Variants in PPP1R12A observed in about 807,000 individuals in gnomAD.
PPP1R12A encodes protein phosphatase 1 regulatory subunit 12A.
PPP1R12A carries 19 observed loss-of-function variants against 139.6 expected under a neutral mutation model. The observed-to-expected ratio is 0.14, with a 90% CI of 0.09 to 0.20. The LOEUF (loss-of-function observed/expected upper bound fraction) is 0.20. Ranked by LOEUF, PPP1R12A falls within the 10% of genes least tolerant of loss-of-function variation. The pLI is 1.00. For missense variants in PPP1R12A, 925 were observed against 1,211.5 expected (o/e 0.76, Z 3.51); for synonymous variants, 427 against 420.6 (o/e 1.02, Z -0.19).
At chr12:79,787,199 C>T (rs7980114) in intron 21 of PPP1R12A, 96,255 of 152,068 alleles carry the variant, frequency 0.63, 37,540 homozygotes, top group Non-Finnish European at 0.88. Flanking sequence ...CATTCCATTT[C>T]CACCCACAAA....
intron 1 of PPP1R12A, among the ~76,000 whole-genome samples, chr12:79,896,451 A>G (rs1207672708): frequency 6.6e-6 from 1 of 151,922 alleles, no homozygotes; most frequent in Non-Finnish European, 1.5e-5. Context: ...CTTCCACCTC[A>G]GCCTCCCAAG....
chr12:79,867,105 C>G (rs1328373417), intron 2 of PPP1R12A, among the ~76,000 whole-genome samples: 1 of 152,008 alleles, frequency 6.6e-6, no homozygotes. Flanking sequence ...GTTAAGCAAA[C>G]GTGGCACATA....
At chr12:79,880,411 G>A (rs1883525881) in intron 1 of PPP1R12A, among the ~76,000 whole-genome samples, 1 of 152,138 alleles carries the variant, frequency 6.6e-6, no homozygotes, top group Non-Finnish European at 1.5e-5. Context: ...GTCAACCAGT[G>A]GTAGACAGTA....
At chr12:79,845,274 T>G (rs913395743) in intron 3 of PPP1R12A, 28 bp downstream of exon 3, 13 of 1,506,456 alleles carry the variant, frequency 8.6e-6, no homozygotes, top group Middle Eastern at 3.4e-4. Flanking sequence ...CTAAAACATT[T>G]TTCCATTTAG....
chr12:79,914,550 A>G (rs1886841570), intron 1 of PPP1R12A, among the ~76,000 whole-genome samples: 1 of 152,088 alleles, frequency 6.6e-6, no homozygotes, highest in Non-Finnish European at 1.5e-5. Flanking sequence ...TATACAATCA[A>G]TATTGGCATC....
At chr12:79,820,660 AG>A (rs1448292019) in intron 8 of PPP1R12A, 113 bp downstream of exon 8, 2 of 975,792 alleles carry the variant, frequency 2.0e-6, no homozygotes, top group East Asian at 4.8e-5. Context: ...GTAGTGTGGC[AG>A]GTATCTAAAC....
At chr12:79,889,269 T>C (rs1470078341) in intron 1 of PPP1R12A, among the ~76,000 whole-genome samples, 1 of 152,172 alleles carries the variant, frequency 6.6e-6, no homozygotes, top group Non-Finnish European at 1.5e-5. Flanking sequence ...GAAGGCCCTA[T>C]AAGGGAGTAG....
At chr12:79,777,585 C>T (rs1180841767) in intron 24 of PPP1R12A, 1 of 985,028 alleles carries the variant, frequency 1.0e-6, no homozygotes, top group Non-Finnish European at 1.2e-6. Flanking sequence ...TGTCAAGGCC[C>T]TATTCTCAGT....
In PPP1R12A at chr12:79,897,219, C is replaced by T. The variant is rs956685496; in HGVS notation, c.238-24281G>A. Among the ~76,000 whole-genome samples the T allele has an allele frequency of 3.9e-5, 6 of 152,266 alleles. No homozygotes were observed. The East Asian group carries it at 5.8e-4, about 15-fold the overall frequency. On this transcript the variant is annotated intron_variant, in intron 1 of 24. Transcript: ENST00000450142. ...ATTCTAGAGAGCCATAAAAAAATAA[C>T]GAAATCATGTCTTCTGCAGTAACAT... is the stretch of plus-strand genomic sequence containing the variant.
At chr12:79,824,596 CA>C (rs1555208265) in intron 5 of PPP1R12A, among the ~76,000 whole-genome samples, 1 of 151,960 alleles carries the variant, frequency 6.6e-6, no homozygotes, top group Non-Finnish European at 1.5e-5. Flanking sequence ...TTTCTAATTT[CA>C]AAAAAAGCAC....
At chr12:79,912,933 T>C (rs1172735390) in intron 1 of PPP1R12A, among the ~76,000 whole-genome samples, 1 of 152,218 alleles carries the variant, frequency 6.6e-6, no homozygotes, top group Non-Finnish European at 1.5e-5. Context: ...TTAAATATAT[T>C]TGAATACATT....
chr12:79,884,893 T>C (rs530715014), intron 1 of PPP1R12A, among the ~76,000 whole-genome samples: 6 of 152,214 alleles, frequency 3.9e-5, no homozygotes, highest in Admixed American at 1.3e-4. Context: ...AAGGAAAAAA[T>C]TGAGAAGCCT....
intron 9 of PPP1R12A, among the ~76,000 whole-genome samples, chr12:79,813,473 A>C (rs531464385): frequency 2.6e-4 from 40 of 152,322 alleles, no homozygotes; most frequent in Non-Finnish European, 5.0e-4. Flanking sequence ...TTAAATTATT[A>C]GCTATTACAT....
chr12:79,817,949 G>A (rs183839540), intron 8 of PPP1R12A, among the ~76,000 whole-genome samples: 92 of 152,248 alleles, frequency 6.0e-4, no homozygotes, highest in Non-Finnish European at 9.7e-4. Context: ...ATCTAAAAGT[G>A]CTTTTGTCAA....
At chr12:79,785,857 A>C in intron 22 of PPP1R12A, among the ~76,000 whole-genome samples, 1 of 152,174 alleles carries the variant, frequency 6.6e-6, no homozygotes, top group Non-Finnish European at 1.5e-5. Flanking sequence ...TTGCTAGATC[A>C]TATGTACAAG....
chr12:79,926,231 G>A (rs767788203), intron 1 of PPP1R12A, among the ~76,000 whole-genome samples: 1 of 152,280 alleles, frequency 6.6e-6, no homozygotes, highest in Non-Finnish European at 1.5e-5. Context: ...TGTCGCCCAG[G>A]CTGGAGTGAA....
At chr12:79,915,424 T>A (rs1037984779) in intron 1 of PPP1R12A, among the ~76,000 whole-genome samples, 1 of 152,166 alleles carries the variant, frequency 6.6e-6, no homozygotes, top group Non-Finnish European at 1.5e-5. Context: ...ATTCTACAGA[T>A]GTGATCTTAC....
At chr12:79,907,115 A>G (rs1367054814) in intron 1 of PPP1R12A, among the ~76,000 whole-genome samples, 2 of 152,164 alleles carry the variant, frequency 1.3e-5, no homozygotes, top group Admixed American at 6.5e-5. Context: ...TATATTAGTA[A>G]GAGAAAGAGG....
At chr12:79,904,562 G>A (rs1015769156) in intron 1 of PPP1R12A, among the ~76,000 whole-genome samples, 5 of 152,092 alleles carry the variant, frequency 3.3e-5, no homozygotes, top group African/African-American at 2.4e-5. Context: ...CATTTAACAA[G>A]CTCTGAAGAG....
Sources: allele counts gnomAD v4.1 joint callset (sites outside exome capture counted in the v4.1 genomes callset), GRCh38; gene constraint gnomAD v4.1.1; transcripts MANE v1.5; gene names NCBI Gene and HGNC (gene_info 2026-07-23, HGNC 2026-07-21).